CDK14: variants seen among roughly 807,000 people sequenced by gnomAD.
CDK14 encodes the protein cyclin-dependent kinase 14.
CDK14 carries 34 observed loss-of-function variants against 60.7 expected under a neutral mutation model. The ratio of observed to expected loss-of-function variants is 0.56; its 90% CI spans 0.43 to 0.75. CDK14 has a LOEUF of 0.75. CDK14 is among the 30% of genes least tolerant of loss of function. CDK14 has a pLI of 0.00. For missense variants in CDK14, 482 were observed against 564.1 expected (o/e 0.85, Z 1.47); for synonymous variants, 197 against 203.7 (o/e 0.97, Z 0.28).
intron 14 of CDK14, among the ~76,000 whole-genome samples, chr7:91,200,991 C>T (rs1283324680): frequency 2.0e-5 from 3 of 152,090 alleles, no homozygotes; most frequent in African/African-American, 7.2e-5. Context: ...CTAAATTTGG[C>T]ACAAAGTTAT....
chr7:90,820,854 C>T (rs1789521039), intron 5 of CDK14, among the ~76,000 whole-genome samples: 1 of 152,172 alleles, frequency 6.6e-6, no homozygotes, highest in Non-Finnish European at 1.5e-5. Context: ...TTGAATGCTC[C>T]AGACCACGTA....
intron 10 of CDK14, among the ~76,000 whole-genome samples, chr7:91,041,858 A>G (rs1237529177): frequency 6.6e-6 from 1 of 152,202 alleles, no homozygotes; most frequent in Non-Finnish European, 1.5e-5. Flanking sequence ...CACACCATTC[A>G]TTCATTCAGT....
intron 4 of CDK14, among the ~76,000 whole-genome samples, chr7:90,769,231 G>C (rs1384198687): frequency 6.6e-6 from 1 of 152,142 alleles, no homozygotes; most frequent in African/African-American, 2.4e-5. Flanking sequence ...ATCTGTTTCA[G>C]TTGGAGAAGA....
chr7:91,202,036 G>A (rs1053112037), intron 14 of CDK14, among the ~76,000 whole-genome samples: 2 of 152,220 alleles, frequency 1.3e-5, no homozygotes, highest in Non-Finnish European at 2.9e-5. Context: ...CTGATGGTTC[G>A]TGTAAAAATC....
chr7:91,010,835 C>CCTA (rs1562867326), intron 10 of CDK14, among the ~76,000 whole-genome samples: 1 of 45,830 alleles, frequency 2.2e-5, no homozygotes. Flanking sequence ...CTTCCTTCCT[C>CCTA]CCTCCCTCCC....
At chr7:90,744,261 C>T (rs923956976) in intron 3 of CDK14, among the ~76,000 whole-genome samples, 6 of 152,194 alleles carry the variant, frequency 3.9e-5, no homozygotes, top group African/African-American at 1.2e-4. Context: ...GCACATCTTG[C>T]ACTGCCCTTA....
At chr7:91,186,895 T>C (rs555211970) in intron 14 of CDK14, among the ~76,000 whole-genome samples, 13 of 152,300 alleles carry the variant, frequency 8.5e-5, no homozygotes, top group African/African-American at 2.6e-4. Flanking sequence ...GAGGAGAATA[T>C]GGACATGAAA....
Position 90,760,612 on chromosome 7 carries a change from C to T in CDK14, c.464+12837C>T, listed in dbSNP as rs201533140. Among the ~76,000 whole-genome samples, 3 of 152,300 alleles carry T rather than the reference C, an allele frequency of 2.0e-5. No homozygotes were observed. The East Asian group carries it at 5.8e-4, about 29-fold the overall frequency. Reference sequence around the variant, plus strand: ...GCTCTGACTTCTTTTAGACTTTGGGCTCTTGGACCAAAGCTTATTATTACA... The same window carrying T: ...GCTCTGACTTCTTTTAGACTTTGGGTTCTTGGACCAAAGCTTATTATTACA... On this transcript the variant is annotated intron_variant, in intron 4 of 14. Coordinates refer to ENST00000380050, the MANE Select transcript of CDK14 (RefSeq NM_001287135.2).
At chr7:90,966,858 G>C (rs2117611705) in intron 9 of CDK14, among the ~76,000 whole-genome samples, 1 of 152,204 alleles carries the variant, frequency 6.6e-6, no homozygotes, top group South Asian at 2.1e-4. Context: ...GTAACTCACT[G>C]CCTGTGGTCT....
At chr7:90,783,548 G>T (rs1428100726) in intron 4 of CDK14, among the ~76,000 whole-genome samples, 1 of 151,858 alleles carries the variant, frequency 6.6e-6, no homozygotes, top group Non-Finnish European at 1.5e-5. Flanking sequence ...AATACATAAG[G>T]AACTCAAACA....
At chr7:90,716,581 C>T (rs538736444) in intron 2 of CDK14, among the ~76,000 whole-genome samples, 2 of 152,218 alleles carry the variant, frequency 1.3e-5, no homozygotes, top group Admixed American at 6.5e-5. Context: ...ATTCTTTCTT[C>T]TCTACTCATC....
chr7:90,837,923 G>A (rs887734957), intron 5 of CDK14, among the ~76,000 whole-genome samples: 14 of 152,118 alleles, frequency 9.2e-5, no homozygotes, highest in African/African-American at 3.4e-4. Context: ...TTGCAGATCA[G>A]GATTGTGGTG....
Position 90,917,596 on chromosome 7 carries a change from T to G in CDK14, c.703-5T>G, listed in dbSNP as rs1793120095. ...GATTTTAACCTTTGTCTCCTTATTT[T>G]TCAGTTGTTTTTATTTCAGTTGCTG... On this transcript the variant is annotated splice_polypyrimidine_tract_variant and splice_region_variant and intron_variant, in intron 7 of 14. Transcript: ENST00000380050. 1 of 1,611,530 alleles carries G rather than the reference T, an allele frequency of 6.2e-7. No individual in the cohort carries two copies. Among genetic ancestry groups the G allele is most frequent in the African/African-American group, 1.3e-5 (1 of 74,896 alleles).
chr7:90,731,283 G>C (rs767228610), intron 3 of CDK14, among the ~76,000 whole-genome samples: 1 of 152,166 alleles, frequency 6.6e-6, no homozygotes, highest in African/African-American at 2.4e-5. Context: ...AAGTCAGGTA[G>C]TGTGATGCCT....
chr7:90,679,381 G>GT (rs777285924), intron 2 of CDK14, among the ~76,000 whole-genome samples: 16 of 152,072 alleles, frequency 1.1e-4, no homozygotes, highest in African/African-American at 4.8e-5. Context: ...GCTTATTTAA[G>GT]TTTTTAAATA....
chr7:90,802,446 C>T (rs916818219), intron 5 of CDK14, among the ~76,000 whole-genome samples: 2 of 152,120 alleles, frequency 1.3e-5, no homozygotes, highest in African/African-American at 4.8e-5. Context: ...TTAGAGATTA[C>T]CTTGTCCAGG....
At chr7:90,932,901 A>G (rs1008045413) in intron 8 of CDK14, among the ~76,000 whole-genome samples, 1 of 152,192 alleles carries the variant, frequency 6.6e-6, no homozygotes, top group African/African-American at 2.4e-5. Context: ...CAGACACTCA[A>G]AGGAAGAATA....
chr7:90,812,403 TG>T (rs1562782083), intron 5 of CDK14, among the ~76,000 whole-genome samples: 1 of 151,358 alleles, frequency 6.6e-6, no homozygotes, highest in Admixed American at 6.6e-5. Context: ...CACTCATAGG[TG>T]GTAATTGAAC....
At chr7:91,171,708 A>G (rs2724348) in intron 14 of CDK14, among the ~76,000 whole-genome samples, 146,651 of 152,120 alleles carry the variant, frequency 0.96, 70,712 homozygotes, top group East Asian at 1. Context: ...GTGCAGTGGC[A>G]TGATCTCAGC....
Sources: gnomAD v4.1 joint callset for allele counts (sites outside exome capture counted in the v4.1 genomes callset) on GRCh38, gnomAD v4.1.1 for gene constraint, MANE v1.5 for transcripts, NCBI Gene and HGNC (gene_info 2026-07-23, HGNC 2026-07-21) for gene names.